Variants in IWS1 observed in about 807,000 individuals in gnomAD.
IWS1 encodes the protein interacts with SUPT6H, CTD assembly factor 1, also known as protein IWS1 homolog.
Under a neutral mutation model 86.7 loss-of-function variants are expected in IWS1, and 27 were observed. The ratio of observed to expected loss-of-function variants is 0.31; its 90% CI spans 0.23 to 0.43. The LOEUF (loss-of-function observed/expected upper bound fraction) is 0.43, where lower values mean the gene tolerates loss of function less well. IWS1 is among the 20% of genes least tolerant of loss of function. The pLI is 1.00. For missense variants in IWS1, 827 were observed against 1,000.8 expected (o/e 0.83, Z 2.34); for synonymous variants, 313 against 335.1 (o/e 0.93, Z 0.72).
intron 2 of IWS1, among the ~76,000 whole-genome samples, chr2:127,510,594 G>A (rs1270202848): frequency 5.3e-5 from 8 of 152,068 alleles, no homozygotes; most frequent in African/African-American, 9.7e-5. Context: ...CTGGGCCCAA[G>A]AGATCATCCT....
intron 6 of IWS1, among the ~76,000 whole-genome samples, chr2:127,497,220 C>T (rs746812246): frequency 6.6e-6 from 1 of 152,174 alleles, no homozygotes; most frequent in Admixed American, 6.5e-5. Context: ...ACATATAAAT[C>T]GCTAATAGCC....
intron 13 of IWS1, among the ~76,000 whole-genome samples, chr2:127,483,440 C>A (rs1689739996): frequency 6.6e-6 from 1 of 150,376 alleles, no homozygotes; most frequent in African/African-American, 2.5e-5. Context: ...GAAACCATCT[C>A]TACAAAGAAA....
chr2:127,518,504 A>T (rs1352835836), intron 2 of IWS1, among the ~76,000 whole-genome samples: 2 of 151,304 alleles, frequency 1.3e-5, no homozygotes, highest in Non-Finnish European at 2.9e-5. Context: ...ACAGTGTAAG[A>T]TTCTGCCTCA....
intron 2 of IWS1, among the ~76,000 whole-genome samples, chr2:127,522,746 A>G (rs1015748718): frequency 5.3e-5 from 8 of 152,236 alleles, no homozygotes; most frequent in African/African-American, 1.9e-4. Flanking sequence ...TCTACCAAAG[A>G]CTTACGGCGA....
intron 13 of IWS1, among the ~76,000 whole-genome samples, chr2:127,486,200 C>T (rs535009712): frequency 2.0e-5 from 3 of 151,962 alleles, no homozygotes; most frequent in African/African-American, 4.8e-5. Flanking sequence ...TGCTGAAGCA[C>T]GTAAGCTCTG....
In IWS1 at chr2:127,498,254, C is replaced by A; in HGVS notation, c.1468-17G>T. On this transcript the variant is annotated splice_polypyrimidine_tract_variant and intron_variant, in intron 5 of 13. Transcript: ENST00000295321. ...GTTAAAACCCTAAATGCAAAATTAT[C>A]ACAACCTCCTTACAGATTTTCTTCT... The A allele has an allele frequency of 6.2e-7, 1 of 1,602,566 alleles. No homozygotes were observed. Among genetic ancestry groups the A allele is most frequent in the Non-Finnish European group, 8.5e-7 (1 of 1,172,054 alleles).
chr2:127,481,596 A>G (rs917126846), intron 13 of IWS1, among the ~76,000 whole-genome samples: 1 of 152,200 alleles, frequency 6.6e-6, no homozygotes, highest in Non-Finnish European at 1.5e-5. Context: ...ACCTAAAGCA[A>G]AGTCAGGTCA....
rs1382535818 is a variant in IWS1, at chr2:127,481,031, A to G, written c.*13T>C. 6 of 1,599,540 alleles carry G rather than the reference A, an allele frequency of 3.8e-6. No homozygotes were observed. Among genetic ancestry groups the G allele is most frequent in the East Asian group, 2.2e-5 (1 of 44,630 alleles). ...TTTCTTAGAGTAGAGATGGGGACAC[A>G]TTCCAGGCAAGGTCACAATGGCATT... On this transcript the variant is annotated 3_prime_UTR_variant, in exon 14 of 14. Coordinates refer to ENST00000295321, the MANE Select transcript of IWS1 (RefSeq NM_017969.3).
chr2:127,494,672 T>C (rs982078355), intron 8 of IWS1, 200 bp downstream of exon 8: 38 of 380,048 alleles, frequency 1.0e-4, no homozygotes, highest in Middle Eastern at 1.4e-3. Flanking sequence ...GTATCAATTT[T>C]TTATTTGTTC....
At chr2:127,520,540 A>G (rs1467180380) in intron 2 of IWS1, among the ~76,000 whole-genome samples, 1 of 152,224 alleles carries the variant, frequency 6.6e-6, no homozygotes, top group Non-Finnish European at 1.5e-5. Context: ...GTTTAATGAG[A>G]AAACAAAATG....
chr2:127,504,809 C>T lies in IWS1; in HGVS notation c.1094G>A (p.Ser365Asn), dbSNP rs1691026378. ...MDRKKFHSSD[S>N]EEEEHKKQKM... The stretch of plus-strand genomic sequence containing the variant: ...TTGCTTTTTGTGTTCTTCCTCCTCA[C>T]TATCAGAACTGTGAAACTTTTTTCT... The change falls in exon 3 of 14, where the codon AGT (serine) becomes AAT (asparagine). Residue 365 changes from serine (S) to asparagine (N), a missense_variant. Transcript: ENST00000295321. 3 of 1,614,070 alleles carry T rather than the reference C, an allele frequency of 1.9e-6. No homozygotes were observed. The African/African-American group carries it at 4.0e-5, about 22-fold the overall frequency.
rs767428149 is a variant in IWS1, at chr2:127,498,220, A to G, written c.1485T>C (p.Asp495=). 4.4e-6 allele frequency: 7 copies of G among 1,600,204 alleles called. No homozygotes were observed. The South Asian group carries it at 7.7e-5, about 18-fold the overall frequency. The change falls in exon 6 of 14, where the codon GAT becomes GAC. Residue 495 remains aspartate (D), a synonymous_variant. Coordinates refer to ENST00000295321, the MANE Select transcript of IWS1 (RefSeq NM_017969.3). ...EEEFTGFNQE[D]LEEEKGETQV... ...GTGTTTCACCTTTTTCTTCTTCCAG[A>G]TCTTCTTGGTTAAAACCCTAAATGC... is the stretch of plus-strand genomic sequence containing the variant.
chr2:127,501,974 C>T (rs1202466342), intron 5 of IWS1, among the ~76,000 whole-genome samples: 1 of 152,100 alleles, frequency 6.6e-6, no homozygotes, highest in African/African-American at 2.4e-5. Context: ...TTCTTATCTC[C>T]CTGAACATAT....
chr2:127,522,111 C>G (rs1171572998), intron 2 of IWS1, among the ~76,000 whole-genome samples: 1 of 152,126 alleles, frequency 6.6e-6, no homozygotes, highest in Non-Finnish European at 1.5e-5. Context: ...AAAAGATGAG[C>G]CTTTTCCACA....
At chr2:127,513,600 C>A (rs1691592569) in intron 2 of IWS1, among the ~76,000 whole-genome samples, 1 of 152,070 alleles carries the variant, frequency 6.6e-6, no homozygotes, top group South Asian at 2.1e-4. Context: ...TCTTTATTCA[C>A]ATGAAAGGGT....
chr2:127,493,987 T>A (rs189488382), intron 8 of IWS1, among the ~76,000 whole-genome samples: 2 of 152,310 alleles, frequency 1.3e-5, no homozygotes, highest in Admixed American at 1.3e-4. Context: ...ATTTTCTAGT[T>A]ACAGATGCTC....
Position 127,504,813 on chromosome 2 carries a change from C to G in IWS1, c.1090G>C (p.Asp364His). 1.9e-6 allele frequency: 3 copies of G among 1,614,198 alleles called. No homozygotes were observed. Among genetic ancestry groups the G allele is most frequent in the Non-Finnish European group, 2.5e-6 (3 of 1,180,034 alleles). Residue 364 changes from aspartate (D) to histidine (H), a missense_variant, in exon 3 of 14, where the codon GAT (aspartate) becomes CAT (histidine). Asp to His is a moderately conservative substitution (Grantham distance 81). Transcript: ENST00000295321. ...HMDRKKFHSS[D>H]SEEEEHKKQK... ...TTTTTGTGTTCTTCCTCCTCACTAT[C>G]AGAACTGTGAAACTTTTTTCTGTCC...
intron 1 of IWS1, among the ~76,000 whole-genome samples, chr2:127,525,202 C>T (rs561882953): frequency 8.5e-5 from 13 of 152,088 alleles, no homozygotes; most frequent in African/African-American, 3.1e-4. Flanking sequence ...CTCAAGCCAT[C>T]GGCCGCCTAC....
chr2:127,526,081 G>A lies in IWS1; in HGVS notation c.34+94C>T, dbSNP rs958103730. On this transcript the variant is annotated intron_variant, in intron 1 of 13. Transcript: ENST00000295321. ...CGGGTCGCGGGAGGGAAGGTTTCGG[G>A]GGGCCTCCTTGCCCCCACCCGCGGG... The A allele has an allele frequency of 5.6e-6, 7 of 1,258,300 alleles. No individual in the cohort carries two copies. The African/African-American group carries it at 1.0e-4, about 19-fold the overall frequency. The allele number at this position is 1,258,300 out of a possible 1,614,324, so 77.9% of individuals were successfully genotyped here. A position where few individuals can be genotyped will look rare whatever the true frequency, so the allele number is the denominator to read the frequency against.
Sources: gnomAD v4.1 joint callset for allele counts (sites outside exome capture counted in the v4.1 genomes callset) on GRCh38, gnomAD v4.1.1 for gene constraint, MANE v1.5 for transcripts, NCBI Gene and HGNC (gene_info 2026-07-23, HGNC 2026-07-21) for gene names.